The following HTR1E variants were observed in gnomAD, a reference collection of about 807,000 sequenced individuals.
HTR1E encodes 5-HT-1E.
Under a neutral mutation model 3.4 loss-of-function variants are expected in HTR1E, and 3 were observed. That is an observed-to-expected ratio of 0.89 (90% CI 0.41 to 2.31). The LOEUF (loss-of-function observed/expected upper bound fraction) is 2.31, where lower values mean the gene tolerates loss of function less well. Ranked by LOEUF, HTR1E falls within the 30% of genes most tolerant of loss-of-function variation. The pLI, the probability that HTR1E is intolerant of heterozygous loss-of-function variation, is 0.05. For synonymous variants in HTR1E, 170 were observed against 182.8 expected, an observed-to-expected ratio of 0.93 and a Z score of 0.56; for missense variants, 392 against 467.0, an observed-to-expected ratio of 0.84 and a Z score of 1.48.
chr6:86,939,958 CA>C (rs1768522275), intron 1 of HTR1E, among the ~76,000 whole-genome samples: 1 of 152,120 alleles, frequency 6.6e-6, no homozygotes, highest in Non-Finnish European at 1.5e-5. Context: ...GCCTGGTCAG[CA>C]ACAATCATGT....
chr6:86,944,014 C>G (rs568538747), intron 1 of HTR1E, among the ~76,000 whole-genome samples: 1 of 152,164 alleles, frequency 6.6e-6, no homozygotes, highest in Non-Finnish European at 1.5e-5. Context: ...AGCTCGCTCA[C>G]GTGGCTGTTG....
intron 1 of HTR1E, among the ~76,000 whole-genome samples, chr6:86,975,067 G>A (rs989827657): frequency 2.6e-5 from 4 of 152,114 alleles, no homozygotes; most frequent in African/African-American, 9.7e-5. Context: ...ATTGCATTTG[G>A]GGTGGTACTG....
chr6:86,978,309 T>C (rs1365622342), intron 1 of HTR1E, among the ~76,000 whole-genome samples: 1 of 152,192 alleles, frequency 6.6e-6, no homozygotes, highest in African/African-American at 2.4e-5. Context: ...CACATGACAC[T>C]GTTCTGGCTA....
intron 1 of HTR1E, among the ~76,000 whole-genome samples, chr6:86,989,821 T>C (rs955002834): frequency 6.6e-6 from 1 of 152,144 alleles, no homozygotes; most frequent in Non-Finnish European, 1.5e-5. Flanking sequence ...TAAGACACAT[T>C]TGCAGGAGGA....
In HTR1E at chr6:86,969,874, T is replaced by C. The variant is rs28688941; in HGVS notation, c.-186+32051T>C. Among the ~76,000 whole-genome samples, 409 of 152,244 alleles carry C rather than the reference T, an allele frequency of 2.7e-3. 1 individual carries two copies. The highest frequency in any genetic ancestry group is 9.4e-3 in the African/African-American group (391 of 41,538). On this transcript the variant is annotated intron_variant, in intron 1 of 1. Coordinates refer to ENST00000305344, the MANE Select transcript of HTR1E (RefSeq NM_000865.3). ...TAATGTGACACAGTGGAACTTGGCC[T>C]GGGGAGCCTGAATGAAAACTCAAAC...
chr6:86,974,813 ATTAT>A (rs1398734075), intron 1 of HTR1E, among the ~76,000 whole-genome samples: 2 of 152,118 alleles, frequency 1.3e-5, no homozygotes, highest in Non-Finnish European at 2.9e-5. Flanking sequence ...CATTACTATC[ATTAT>A]TTATTTTTAA....
chr6:87,004,765 A>G (rs1768077913), intron 1 of HTR1E, among the ~76,000 whole-genome samples: 1 of 152,168 alleles, frequency 6.6e-6, no homozygotes, highest in Admixed American at 6.5e-5. Context: ...AAAGAAAGAA[A>G]GAAAGGGCAC....
At chr6:86,994,873 T>G (rs537988754) in intron 1 of HTR1E, among the ~76,000 whole-genome samples, 2 of 152,246 alleles carry the variant, frequency 1.3e-5, no homozygotes, top group Admixed American at 6.5e-5. Context: ...AAGTAAGGTT[T>G]CTATACTGCA....
chr6:86,951,495 C>A (rs951075392), intron 1 of HTR1E, among the ~76,000 whole-genome samples: 24 of 152,242 alleles, frequency 1.6e-4, no homozygotes, highest in African/African-American at 5.5e-4. Context: ...AAAGATGCAA[C>A]TTTTCTATTT....
chr6:86,980,942 T>C lies in HTR1E; in HGVS notation c.-185-34208T>C, dbSNP rs193016570. Among the ~76,000 whole-genome samples the C allele has an allele frequency of 2.8e-3, 421 of 152,294 alleles. 8 individuals are homozygous for C. The highest frequency in any genetic ancestry group is 9.8e-3 in the African/African-American group (407 of 41,572). On this transcript the variant is annotated intron_variant, in intron 1 of 1. Transcript: ENST00000305344. ...GATCAATTGACAGTCCGTGTGTACA[T>C]GCACCTGGAAGGCCACCACTAGCTC...
intron 1 of HTR1E, among the ~76,000 whole-genome samples, chr6:86,953,140 C>T (rs912915850): frequency 2.6e-5 from 4 of 152,124 alleles, no homozygotes; most frequent in South Asian, 2.1e-4. Context: ...CTCTCTTAGT[C>T]GAGATCCTTT....
intron 1 of HTR1E, among the ~76,000 whole-genome samples, chr6:86,950,806 G>A (rs1401244456): frequency 6.6e-6 from 1 of 152,078 alleles, no homozygotes; most frequent in Admixed American, 6.5e-5. Context: ...AGTGCCTTTG[G>A]GGGTTAAAAT....
At chr6:87,009,286 G>T (rs574438179) in intron 1 of HTR1E, among the ~76,000 whole-genome samples, 2 of 150,038 alleles carry the variant, frequency 1.3e-5, no homozygotes, top group African/African-American at 5.0e-5. Flanking sequence ...CTGCCTTCAA[G>T]CATCTGTTTA....
At chr6:87,010,967 A>G (rs4707340) in intron 1 of HTR1E, among the ~76,000 whole-genome samples, 4,585 of 152,296 alleles carry the variant, frequency 0.03, 145 homozygotes, top group East Asian at 0.13. Context: ...TTGGATTCCA[A>G]TGATTGCATA....
intron 1 of HTR1E, among the ~76,000 whole-genome samples, chr6:87,001,142 C>T (rs2127830264): frequency 6.6e-6 from 1 of 151,508 alleles, no homozygotes; most frequent in Admixed American, 6.6e-5. Flanking sequence ...AACCAAAAAT[C>T]AAAAAATATA....
intron 1 of HTR1E, among the ~76,000 whole-genome samples, chr6:86,950,220 A>G (rs968110452): frequency 6.6e-6 from 1 of 151,808 alleles, no homozygotes; most frequent in African/African-American, 2.4e-5. Context: ...ATGTTATCTT[A>G]TATTTAATGT....
At chr6:87,003,463 T>C (rs1206887306) in intron 1 of HTR1E, among the ~76,000 whole-genome samples, 1 of 151,468 alleles carries the variant, frequency 6.6e-6, no homozygotes, top group Non-Finnish European at 1.5e-5. Flanking sequence ...TGCTTGAACC[T>C]GGGATGCAGA....
chr6:87,000,681 A>G (rs1331331847), intron 1 of HTR1E, among the ~76,000 whole-genome samples: 2 of 152,236 alleles, frequency 1.3e-5, no homozygotes, highest in African/African-American at 4.8e-5. Context: ...AGAGAAATAA[A>G]GACTTTCTCA....
chr6:86,952,377 G>T (rs1767257062), intron 1 of HTR1E, among the ~76,000 whole-genome samples: 1 of 152,082 alleles, frequency 6.6e-6, no homozygotes, highest in Non-Finnish European at 1.5e-5. Context: ...GCAAACATAG[G>T]TGCTGGGAAT....
Sources: allele counts gnomAD v4.1 joint callset (sites outside exome capture counted in the v4.1 genomes callset), GRCh38; gene constraint gnomAD v4.1.1; transcripts MANE v1.5; gene names NCBI Gene and HGNC (gene_info 2026-07-23, HGNC 2026-07-21).